The following ST8SIA4 variants were observed in gnomAD, a reference collection of about 807,000 sequenced individuals.
ST8SIA4 encodes the protein ST8 alpha-N-acetyl-neuraminide alpha-2,8-sialyltransferase 4.
In ST8SIA4, 15 loss-of-function variants were observed where a neutral mutation model predicts 33.9. That is an observed-to-expected ratio of 0.44 (90% CI 0.30 to 0.68). The LOEUF (loss-of-function observed/expected upper bound fraction) is 0.68, where lower values mean the gene tolerates loss of function less well. Among genes scored for constraint, ST8SIA4 ranks in the 30% least tolerant of loss-of-function variants. The probability of loss-of-function intolerance (pLI) is 0.10; values close to 1 mark genes in which losing one functional copy is unlikely to be tolerated. For missense variants in ST8SIA4, 321 were observed against 428.0 expected (o/e 0.75, Z 2.21); for synonymous variants, 171 against 151.2 (o/e 1.13, Z -0.96).
intron 3 of ST8SIA4, among the ~76,000 whole-genome samples, chr5:100,872,523 A>G (rs1051327339): frequency 1.3e-5 from 2 of 152,046 alleles, no homozygotes; most frequent in African/African-American, 4.8e-5. Flanking sequence ...CATGAGAGGG[A>G]CCAGATAGAG....
At chr5:100,863,858 C>T (rs1195247715) in intron 3 of ST8SIA4, among the ~76,000 whole-genome samples, 1 of 152,150 alleles carries the variant, frequency 6.6e-6, no homozygotes, top group Non-Finnish European at 1.5e-5. Context: ...CAGCTACGGA[C>T]AAGTGGTAAG....
chr5:100,846,254 G>T (rs923509714), intron 4 of ST8SIA4, among the ~76,000 whole-genome samples: 3 of 151,594 alleles, frequency 2.0e-5, no homozygotes, highest in African/African-American at 7.3e-5. Context: ...ATTCTGCTTG[G>T]TTCCCTGCTT....
intron 3 of ST8SIA4, among the ~76,000 whole-genome samples, chr5:100,857,031 T>C (rs1012529742): frequency 7.2e-5 from 11 of 152,150 alleles, no homozygotes; most frequent in South Asian, 6.2e-4. Flanking sequence ...TTAAGTAATA[T>C]AGAAAAGCTC....
intron 4 of ST8SIA4, among the ~76,000 whole-genome samples, chr5:100,829,318 G>T (rs144055407): frequency 4.6e-5 from 7 of 152,118 alleles, no homozygotes; most frequent in African/African-American, 7.2e-5. Context: ...GTCTCTCATG[G>T]ATTAGAAATT....
At chr5:100,817,849 A>G (rs1294699856) in intron 4 of ST8SIA4, among the ~76,000 whole-genome samples, 2 of 152,248 alleles carry the variant, frequency 1.3e-5, no homozygotes, top group African/African-American at 2.4e-5. Flanking sequence ...ATGTGTGTAA[A>G]TAAAGGGACA....
chr5:100,821,001 C>G (rs1176383120), intron 4 of ST8SIA4, among the ~76,000 whole-genome samples: 1 of 151,972 alleles, frequency 6.6e-6, no homozygotes, highest in East Asian at 1.9e-4. Flanking sequence ...AAAACTGAAA[C>G]TCGTAATCTA....
chr5:100,873,795 C>A (rs565722513), intron 3 of ST8SIA4, among the ~76,000 whole-genome samples: 4 of 152,184 alleles, frequency 2.6e-5, no homozygotes, highest in Middle Eastern at 3.4e-3. Flanking sequence ...TGCCATCACT[C>A]AAAATCACTA....
intron 4 of ST8SIA4, among the ~76,000 whole-genome samples, chr5:100,831,826 A>C (rs1163114125): frequency 1.3e-5 from 2 of 152,122 alleles, no homozygotes; most frequent in East Asian, 3.8e-4. Flanking sequence ...TTCTTTATCT[A>C]ACTCGAACTA....
At chr5:100,897,708 G>T (rs1049254374) in intron 1 of ST8SIA4, among the ~76,000 whole-genome samples, 1 of 152,080 alleles carries the variant, frequency 6.6e-6, no homozygotes, top group African/African-American at 2.4e-5. Flanking sequence ...GCAGCTCAAA[G>T]CATCATCATA....
At chr5:100,837,544 T>G (rs1477728014) in intron 4 of ST8SIA4, among the ~76,000 whole-genome samples, 3 of 152,022 alleles carry the variant, frequency 2.0e-5, no homozygotes. Flanking sequence ...GAACCATATG[T>G]TTATTCTGAT....
chr5:100,901,482 G>T (rs1752911522), intron 1 of ST8SIA4, among the ~76,000 whole-genome samples: 2 of 152,126 alleles, frequency 1.3e-5, no homozygotes, highest in Non-Finnish European at 2.9e-5. Flanking sequence ...GTCTGCAAGG[G>T]ATGCCCACGC....
intron 4 of ST8SIA4, among the ~76,000 whole-genome samples, chr5:100,829,004 A>G (rs1006007985): frequency 6.6e-6 from 1 of 152,246 alleles, no homozygotes; most frequent in African/African-American, 2.4e-5. Context: ...AACACAGCCC[A>G]GTGACCTATA....
chr5:100,817,109 A>ATTTTTTTTTTTTTTTTTTTTT (rs57222657), intron 4 of ST8SIA4, among the ~76,000 whole-genome samples: 4 of 74,326 alleles, frequency 5.4e-5, no homozygotes, highest in Non-Finnish European at 9.0e-5. Context: ...CACCCAGCTA[A>ATTTTTTTTTTTTTTTTTTTTT]TTTTTTTTTT....
intron 3 of ST8SIA4, among the ~76,000 whole-genome samples, chr5:100,874,473 C>G: frequency 6.6e-6 from 1 of 152,106 alleles, no homozygotes; most frequent in East Asian, 1.9e-4. Context: ...AGCACAGCAT[C>G]AATTTGATTC....
intron 4 of ST8SIA4, among the ~76,000 whole-genome samples, chr5:100,813,184 A>G (rs1750848454): frequency 6.6e-6 from 1 of 152,028 alleles, no homozygotes; most frequent in South Asian, 2.1e-4. Context: ...AAAACTTTCC[A>G]GGGGAGATAA....
intron 3 of ST8SIA4, among the ~76,000 whole-genome samples, chr5:100,863,044 A>G (rs913061793): frequency 6.6e-6 from 1 of 152,214 alleles, no homozygotes; most frequent in African/African-American, 2.4e-5. Context: ...TTGGTCTGAA[A>G]GTCTGATTGG....
At position 100,877,389 on chromosome 5, in the gene ST8SIA4, T is replaced by C. The variant is rs370901027; in HGVS notation, c.503+8954A>G. On this transcript the variant is annotated intron_variant, in intron 3 of 4. Coordinates refer to ENST00000231461, the MANE Select transcript of ST8SIA4 (RefSeq NM_005668.6). Reference sequence around the variant, plus strand: ...CAAAAATTCTCTGGACCTTCTAAAGTAGAGGAGACACATTGGCAATAACAA... The same window carrying C: ...CAAAAATTCTCTGGACCTTCTAAAGCAGAGGAGACACATTGGCAATAACAA... Among the ~76,000 whole-genome samples the C allele has an allele frequency of 4.1e-4, 63 of 152,212 alleles. No homozygotes were observed. The South Asian group carries it at 0.013, about 31-fold the overall frequency.
chr5:100,809,671 C>A lies in ST8SIA4; in HGVS notation c.*2176G>T, dbSNP rs1750776301. ...GTCCAAATTTAGATTTTATAAATCA[C>A]TTTCAATTTATTAAGTAAACCAGAC... On this transcript the variant is annotated 3_prime_UTR_variant, in exon 5 of 5. Transcript: ENST00000231461. 3 of 152,188 alleles carry A rather than the reference C, an allele frequency of 2.0e-5. No individual in the cohort carries two copies. The South Asian group carries it at 6.2e-4, about 32-fold the overall frequency. The allele number at this position is 152,188 out of a possible 1,614,324, so 9.4% of individuals were successfully genotyped here.
intron 3 of ST8SIA4, among the ~76,000 whole-genome samples, chr5:100,872,604 A>T (rs1429150375): frequency 6.6e-6 from 1 of 152,018 alleles, no homozygotes; most frequent in Admixed American, 6.6e-5. Context: ...AAGAGAGCTG[A>T]TGGTTTCATA....
Sources: gnomAD v4.1 joint callset for allele counts (sites outside exome capture counted in the v4.1 genomes callset) on GRCh38, gnomAD v4.1.1 for gene constraint, MANE v1.5 for transcripts, NCBI Gene and HGNC (gene_info 2026-07-23, HGNC 2026-07-21) for gene names.